The following SUGCT variants were observed in gnomAD, a reference collection of about 807,000 sequenced individuals.
The protein encoded by SUGCT is succinyl-CoA:glutarate-CoA transferase.
A neutral mutation model predicts 55.0 loss-of-function variants in SUGCT; 41 were observed. The ratio of observed to expected loss-of-function variants is 0.74; its 90% CI spans 0.58 to 0.97. SUGCT has a LOEUF of 0.97. SUGCT is among the 50% of genes least tolerant of loss of function. SUGCT has a pLI of 0.00. For missense variants in SUGCT, 568 were observed against 547.8 expected (o/e 1.04, Z -0.37); for synonymous variants, 187 against 200.4 (o/e 0.93, Z 0.56).
chr7:40,784,158 T>C (rs1382814646), intron 13 of SUGCT, among the ~76,000 whole-genome samples: 1 of 152,108 alleles, frequency 6.6e-6, no homozygotes, highest in East Asian at 1.9e-4. Flanking sequence ...CACAAGATGG[T>C]TTGAGCATGG....
intron 12 of SUGCT, among the ~76,000 whole-genome samples, chr7:40,675,259 A>G (rs996269075): frequency 3.3e-5 from 5 of 152,006 alleles, no homozygotes. Context: ...CGGGGTTTCC[A>G]TGTTGGCCAG....
intron 9 of SUGCT, among the ~76,000 whole-genome samples, chr7:40,367,423 AAAAT>A (rs1562719436): frequency 2.1e-5 from 3 of 143,772 alleles, no homozygotes; most frequent in East Asian, 2.0e-4. Flanking sequence ...TAATAATAAT[AAAAT>A]AAATAAATAA....
At chr7:40,615,317 T>G (rs1327430642) in intron 12 of SUGCT, among the ~76,000 whole-genome samples, 2 of 152,114 alleles carry the variant, frequency 1.3e-5, no homozygotes, top group African/African-American at 4.8e-5. Flanking sequence ...TTAACACAGA[T>G]TTTAACAAAA....
downstream of SUGCT, among the ~76,000 whole-genome samples, chr7:40,864,693 G>A (rs927668027): frequency 2.0e-5 from 3 of 152,102 alleles, no homozygotes; most frequent in African/African-American, 7.2e-5. Flanking sequence ...GGAGGAATGG[G>A]AACTGGAATA....
the SUGCT span, among the ~76,000 whole-genome samples, chr7:40,953,073 T>A: frequency 6.6e-6 from 1 of 152,204 alleles, no homozygotes; most frequent in African/African-American, 2.4e-5. Flanking sequence ...ATTCTTCCCG[T>A]CCCTTTCAGT....
At chr7:40,929,342 G>A in the SUGCT span, among the ~76,000 whole-genome samples, 42 of 152,176 alleles carry the variant, frequency 2.8e-4, no homozygotes, top group African/African-American at 9.9e-4. Context: ...ACTTGGGTTG[G>A]TTCCAAGTCT....
At chr7:40,570,098 T>C in intron 12 of SUGCT, among the ~76,000 whole-genome samples, 1 of 152,230 alleles carries the variant, frequency 6.6e-6, no homozygotes, top group East Asian at 1.9e-4. Context: ...GGTGATTGCA[T>C]TATATTTTCA....
At chr7:40,943,333 GGTTA>G in the SUGCT span, among the ~76,000 whole-genome samples, 2 of 150,448 alleles carry the variant, frequency 1.3e-5, no homozygotes, top group Admixed American at 1.3e-4. Flanking sequence ...ACAATGTGCA[GGTTA>G]GTTACATATG....
chr7:40,635,934 C>T (rs879575945), intron 12 of SUGCT, among the ~76,000 whole-genome samples: 5 of 152,274 alleles, frequency 3.3e-5, no homozygotes, highest in South Asian at 2.1e-4. Context: ...ATATTGTCTC[C>T]AGGATTCCCT....
At chr7:40,484,361 T>G (rs1044104310) in intron 11 of SUGCT, among the ~76,000 whole-genome samples, 1 of 152,174 alleles carries the variant, frequency 6.6e-6, no homozygotes, top group Admixed American at 6.5e-5. Context: ...TGAGACATTT[T>G]GGAACCATTG....
the SUGCT span, among the ~76,000 whole-genome samples, chr7:41,027,039 G>C: frequency 1.5e-4 from 23 of 152,024 alleles, 1 homozygote; most frequent in African/African-American, 5.5e-4. Flanking sequence ...CTAAAAAAAA[G>C]TTTCATACTT....
At chr7:40,440,145 G>T (rs866205911) in intron 9 of SUGCT, among the ~76,000 whole-genome samples, 11 of 68,454 alleles carry the variant, frequency 1.6e-4, no homozygotes, top group African/African-American at 4.0e-4. Context: ...GTGTGTGTGT[G>T]TTTTTTTTTT....
At chr7:40,751,851 A>G (rs973806329) in intron 13 of SUGCT, among the ~76,000 whole-genome samples, 1 of 152,208 alleles carries the variant, frequency 6.6e-6, no homozygotes. Context: ...GTCAGTGGCC[A>G]ACCAAGAATG....
At chr7:40,368,706 G>A (rs928462699) in intron 9 of SUGCT, among the ~76,000 whole-genome samples, 7 of 152,130 alleles carry the variant, frequency 4.6e-5, no homozygotes, top group Non-Finnish European at 8.8e-5. Flanking sequence ...GAAATGAAAG[G>A]AAGTCCATTT....
At chr7:40,944,096 T>A in the SUGCT span, among the ~76,000 whole-genome samples, 81 of 152,334 alleles carry the variant, frequency 5.3e-4, no homozygotes, top group African/African-American at 1.9e-3. Flanking sequence ...AAGTGTCTGT[T>A]CATATCCTTT....
At chr7:40,142,058 G>A (rs1788014770) in intron 1 of SUGCT, among the ~76,000 whole-genome samples, 2 of 152,292 alleles carry the variant, frequency 1.3e-5, no homozygotes, top group Admixed American at 1.3e-4. Context: ...GGCAGAGCAG[G>A]AAATCTGAAT....
At chr7:40,332,150 A>T (rs1356919191) in intron 9 of SUGCT, among the ~76,000 whole-genome samples, 1 of 152,198 alleles carries the variant, frequency 6.6e-6, no homozygotes, top group Non-Finnish European at 1.5e-5. Flanking sequence ...GGGTCACCAG[A>T]ACATTACTTG....
intron 8 of SUGCT, among the ~76,000 whole-genome samples, chr7:40,304,819 C>T (rs1171393510): frequency 6.6e-6 from 1 of 151,228 alleles, no homozygotes; most frequent in African/African-American, 2.4e-5. Flanking sequence ...AGTAGTACAC[C>T]ACATAAACAG....
chr7:40,634,473 T>A (rs1799934748), intron 12 of SUGCT, among the ~76,000 whole-genome samples: 1 of 152,226 alleles, frequency 6.6e-6, no homozygotes. Flanking sequence ...ACTGGAACTA[T>A]GATTTCCTCC....
Sources: gnomAD v4.1 joint callset for allele counts (sites outside exome capture counted in the v4.1 genomes callset) on GRCh38, gnomAD v4.1.1 for gene constraint, MANE v1.5 for transcripts, NCBI Gene and HGNC (gene_info 2026-07-23, HGNC 2026-07-21) for gene names.